NAXD: variants seen among roughly 807,000 people sequenced by gnomAD.
NAXD encodes NAD(P)HX dehydratase, also known as ATP-dependent (S)-NAD(P)H-hydrate dehydratase.
A neutral mutation model predicts 35.8 loss-of-function variants in NAXD; 22 were observed. The ratio of observed to expected loss-of-function variants is 0.62; its 90% CI spans 0.44 to 0.88. The LOEUF (loss-of-function observed/expected upper bound fraction) is 0.88, where lower values mean the gene tolerates loss of function less well. Among genes scored for constraint, NAXD ranks in the 40% least tolerant of loss-of-function variants. The pLI, the probability that NAXD is intolerant of heterozygous loss-of-function variation, is 0.00. For missense variants in NAXD, 428 were observed against 437.7 expected, an observed-to-expected ratio of 0.98 and a Z score of 0.20; for synonymous variants, 189 against 177.6, an observed-to-expected ratio of 1.06 and a Z score of -0.51.
chr13:110,615,570 C>T lies in NAXD; in HGVS notation c.-32C>T. The T allele has an allele frequency of 1.5e-6, 2 of 1,337,142 alleles. No homozygotes were observed. The highest frequency in any genetic ancestry group is 1.8e-5 in the South Asian group (1 of 55,020). 82.8% of individuals were successfully genotyped at this position (1,337,142 alleles called of 1,614,324 possible). On this transcript the variant is annotated 5_prime_UTR_variant, in exon 1 of 10. Transcript: ENST00000680254. ...AATGGCTGTGTTTCCGGCGACGGCG[C>T]GGGGGCAGCTGGGAATCCGGAATGC...
At chr13:110,620,669 G>A (rs59590698) in intron 1 of NAXD, among the ~76,000 whole-genome samples, 7,070 of 152,090 alleles carry the variant, frequency 0.046, 373 homozygotes, top group African/African-American at 0.13. Flanking sequence ...ATCAGCTAAG[G>A]CAGTTACATC....
In NAXD at chr13:110,628,460, G is replaced by T. The variant is rs1886579485; in HGVS notation, c.441+913G>T. On this transcript the variant is annotated intron_variant, in intron 5 of 9. Transcript: ENST00000680254. The surrounding 1 kb of genome is among the most constrained non-coding windows in gnomAD (Gnocchi z 4.1). ...TGGCCATTTTGTGTTCCCCAGATCA[G>T]CAGTCACCCTGAAAATGCCAGCCAT... 6.6e-6 allele frequency among the ~76,000 whole-genome samples: 1 copy of T among 152,204 alleles called. No individual in the cohort carries two copies. The highest frequency in any genetic ancestry group is 2.4e-5 in the African/African-American group (1 of 41,456).
intron 1 of NAXD, among the ~76,000 whole-genome samples, chr13:110,616,864 GTGTGTA>G (rs1886078471): frequency 6.6e-6 from 1 of 152,178 alleles, no homozygotes; most frequent in South Asian, 2.1e-4. Context: ...ATTTTACCTT[GTGTGTA>G]TGTTGGGCAT....
rs1220906316 is a variant in NAXD at position 110,628,051 on chromosome 13, ATTTC to A, written c.441+511_441+514del. Among the ~76,000 whole-genome samples the A allele has an allele frequency of 6.6e-6, 1 of 152,148 alleles. No individual in the cohort carries two copies. Among genetic ancestry groups the A allele is most frequent in the Admixed American group, 6.5e-5 (1 of 15,280 alleles). ...CGCATGGACTCTCATTTATGCTGGT[ATTTC>A]TTTCTTAAAGTTCATCTTATGCCCA... is the stretch of plus-strand genomic sequence containing the variant. On this transcript the variant is annotated intron_variant, in intron 5 of 9. Coordinates refer to ENST00000680254, the MANE Select transcript of NAXD (RefSeq NM_001242882.2). The surrounding 1 kb of genome is among the most constrained non-coding windows in gnomAD (Gnocchi z 4.1).
chr13:110,625,554 A>G (rs1447056837), intron 4 of NAXD, among the ~76,000 whole-genome samples: 1 of 152,150 alleles, frequency 6.6e-6, no homozygotes, highest in Non-Finnish European at 1.5e-5. Flanking sequence ...GCTGTGTGTG[A>G]CAGGTTTGCA....
rs1887065583 is a variant in NAXD, at chr13:110,639,062, T to TCTTTTAA, written c.*534_*535insCTTTTAA. On this transcript the variant is annotated 3_prime_UTR_variant, in exon 10 of 10. Transcript: ENST00000680254. ...TCTTCTTTTAAAGTGGTGACTAGCT[T>TCTTTTAA]GGTGGTATCTGGCTGCTGGTGTTTG... 4 of 263,664 alleles carry TCTTTTAA rather than the reference T, an allele frequency of 1.5e-5. No homozygotes were observed. Among genetic ancestry groups the TCTTTTAA allele is most frequent in the Admixed American group, 9.6e-5 (2 of 20,734 alleles). The allele number at this position is 263,664 out of a possible 1,614,324, so 16.3% of individuals were successfully genotyped here.
rs12430466 is a variant in NAXD at position 110,639,304 on chromosome 13, C to A, written c.*776C>A. ...CCAGCAGGGCAGACCGGACCGGGGA[C>A]GGGCACGGTGAAGGGCTGCAGCCTG... On this transcript the variant is annotated 3_prime_UTR_variant, in exon 10 of 10. Coordinates refer to ENST00000680254, the MANE Select transcript of NAXD (RefSeq NM_001242882.2). The A allele has an allele frequency of 0.012, 1,917 of 154,052 alleles. 100 individuals carry two copies. Among genetic ancestry groups the A allele is most frequent in the Admixed American group, 0.085 (1,324 of 15,584 alleles). The allele number at this position is 154,052 out of a possible 1,614,324, so 9.5% of individuals were successfully genotyped here.
chr13:110,622,550 T>C (rs1886309292), intron 2 of NAXD, among the ~76,000 whole-genome samples, 184 bp downstream of exon 2: 2 of 152,250 alleles, frequency 1.3e-5, no homozygotes, highest in African/African-American at 4.8e-5. Context: ...TGAGGAGCCC[T>C]GACTGAATTA....
chr13:110,633,528 C>T (rs1037792250), intron 5 of NAXD, among the ~76,000 whole-genome samples: 12 of 152,216 alleles, frequency 7.9e-5, no homozygotes, highest in Admixed American at 7.8e-4. Context: ...AAAGTGGGAG[C>T]CCAGGCAGAG....
At chr13:110,615,857 G>C in intron 1 of NAXD, 1 of 1,175,722 alleles carries the variant, frequency 8.5e-7, no homozygotes, top group Non-Finnish European at 1.1e-6. Context: ...CCGGGGCGCC[G>C]TGTGGCCTGC....
chr13:110,624,480 C>T (rs1033888030), intron 3 of NAXD, among the ~76,000 whole-genome samples: 17 of 152,148 alleles, frequency 1.1e-4, no homozygotes, highest in African/African-American at 4.1e-4. Context: ...TTTTTTGAGA[C>T]AGAGTTTCGC....
At chr13:110,620,677 A>T (rs2766502) in intron 1 of NAXD, among the ~76,000 whole-genome samples, 6,555 of 152,228 alleles carry the variant, frequency 0.043, 393 homozygotes, top group African/African-American at 0.13. Context: ...AGGCAGTTAC[A>T]TCTACTCATA....
intron 3 of NAXD, 117 bp downstream of exon 3, chr13:110,624,396 T>C: frequency 1.4e-6 from 1 of 695,642 alleles, no homozygotes; most frequent in Non-Finnish European, 2.5e-6. Flanking sequence ...AGGGTAATCA[T>C]AGCTAATAGA....
chr13:110,626,775 G>A (rs1886502166), intron 4 of NAXD, among the ~76,000 whole-genome samples: 1 of 152,222 alleles, frequency 6.6e-6, no homozygotes. Context: ...TTGTCGGGGA[G>A]GAAAGGGGAC....
rs146010697 is a variant in NAXD, at chr13:110,622,343, A to G, written c.174A>G (p.Ile58Met). The G allele has an allele frequency of 3.1e-6, 5 of 1,614,078 alleles. No homozygotes were observed. In the African/African-American group the frequency reaches 4.0e-5, roughly 13 times the overall value. The change falls in exon 2 of 10, where the codon ATA becomes ATG. Residue 58 changes from isoleucine to methionine, a missense_variant. Transcript: ENST00000680254. ...AGCACAAAGGGCAAGATGGAAGAAT[A>G]GGCGTAGTTGGAGGCTGTCAGGAGT... ...STKHKGQDGR[I>M]GVVGGCQEYT... is the part of the protein sequence containing the mutation.
rs369081588 is a variant in NAXD, at chr13:110,638,399, C to G, written c.861C>G (p.Ala287=). The change falls in exon 10 of 10, where the codon GCC becomes GCG. Residue 287 remains alanine, a synonymous_variant. Transcript: ENST00000680254. The surrounding 1 kb of genome is among the most constrained non-coding windows in gnomAD (Gnocchi z 5.4). The part of the protein sequence containing the change: ...KTNGSSPLLV[A]AFGACSLTRQ... ...GCAGGTCCAGCCCTCTCCTGGTGGC[C>G]GCGTTTGGCGCCTGCTCTCTCACCA... 6.2e-7 allele frequency: 1 copy of G among 1,613,738 alleles called. No individual in the cohort carries two copies. Among genetic ancestry groups the G allele is most frequent in the South Asian group, 1.1e-5 (1 of 91,080 alleles).
chr13:110,627,106 G>C (rs1374002644), intron 4 of NAXD, among the ~76,000 whole-genome samples: 26 of 152,230 alleles, frequency 1.7e-4, no homozygotes, highest in Admixed American at 1.7e-3. Flanking sequence ...ATGCAGTGTG[G>C]GGCCTGGTTT....
chr13:110,625,335 G>T, intron 4 of NAXD, 57 bp downstream of exon 4: 1 of 1,259,302 alleles, frequency 7.9e-7, no homozygotes, highest in Admixed American at 1.7e-5. Flanking sequence ...CATCATTTGG[G>T]GTTTTGGCAC....
intron 5 of NAXD, among the ~76,000 whole-genome samples, chr13:110,632,693 G>A (rs1435533657): frequency 6.6e-6 from 1 of 152,082 alleles, no homozygotes; most frequent in African/African-American, 2.4e-5. Context: ...GCTGATTGGT[G>A]TATTTACAAA....
Sources: gnomAD v4.1 joint callset for allele counts (sites outside exome capture counted in the v4.1 genomes callset) on GRCh38, gnomAD v4.1.1 for gene constraint, Gnocchi (gnomAD v3.1) non-coding constraint, MANE v1.5 for transcripts, NCBI Gene and HGNC (gene_info 2026-07-23, HGNC 2026-07-21) for gene names.